The following COL13A1 variants were observed in gnomAD, a reference collection of about 807,000 sequenced individuals.
COL13A1 encodes the protein collagen type XIII alpha 1 chain.
COL13A1 carries 89 observed loss-of-function variants against 130.9 expected under a neutral mutation model. The observed-to-expected ratio is 0.68, with a 90% CI of 0.57 to 0.81. The LOEUF (loss-of-function observed/expected upper bound fraction) is 0.81. COL13A1 is among the 30% of genes least tolerant of loss of function. COL13A1 has a pLI of 0.00. For missense variants in COL13A1, 879 were observed against 934.6 expected, an observed-to-expected ratio of 0.94 and a Z score of 0.78; for synonymous variants, 402 against 341.6, an observed-to-expected ratio of 1.18 and a Z score of -1.95.
chr10:69,842,009 G>A (rs1400478452), intron 2 of COL13A1, among the ~76,000 whole-genome samples: 1 of 152,190 alleles, frequency 6.6e-6, no homozygotes, highest in East Asian at 1.9e-4. Flanking sequence ...GCAGGACCAT[G>A]ACCTAACCAG....
intron 27 of COL13A1, among the ~76,000 whole-genome samples, chr10:69,928,055 G>T (rs2065609921): frequency 6.6e-6 from 1 of 152,162 alleles, no homozygotes; most frequent in Non-Finnish European, 1.5e-5. Flanking sequence ...AGTAGGCTGA[G>T]GAACGAGAAT....
At chr10:69,852,039 T>C (rs1049358553) in intron 2 of COL13A1, among the ~76,000 whole-genome samples, 18 of 152,210 alleles carry the variant, frequency 1.2e-4, no homozygotes, top group African/African-American at 3.9e-4. Context: ...GATTTTTTTC[T>C]GTTTCCCACC....
At position 69,872,038 on chromosome 10, in the gene COL13A1, T is replaced by A. The variant is rs906625887; in HGVS notation, c.373-146T>A. The A allele has an allele frequency of 6.7e-6, 6 of 894,830 alleles. No homozygotes were observed. The African/African-American group carries it at 8.2e-5, about 12-fold the overall frequency. The allele number at this position is 894,830 out of a possible 1,614,324, so 55.4% of individuals were successfully genotyped here. A position where few individuals can be genotyped will look rare whatever the true frequency, so the allele number is the denominator to read the frequency against. ...AAGGAAGCTTTATAAGCCTTAGCGA[T>A]CAAGGCTCCCCCTTCGTTTTGTTCA... On this transcript the variant is annotated intron_variant, in intron 3 of 40. Transcript: ENST00000645393.
intron 2 of COL13A1, among the ~76,000 whole-genome samples, chr10:69,846,927 G>T (rs1168096871): frequency 1.3e-5 from 2 of 152,214 alleles, no homozygotes; most frequent in East Asian, 3.9e-4. Flanking sequence ...AAGTGGGGGT[G>T]CTTCCCAGCG....
intron 10 of COL13A1, among the ~76,000 whole-genome samples, chr10:69,891,398 G>A (rs745711667): frequency 4.9e-4 from 75 of 152,342 alleles, no homozygotes; most frequent in African/African-American, 1.1e-3. Flanking sequence ...AGAATAGCAC[G>A]TGCAAAGGTC....
At position 69,818,157 on chromosome 10, in the gene COL13A1, C is replaced by T. The variant is rs547180621; in HGVS notation, c.295-4212C>T. 4.1e-4 allele frequency among the ~76,000 whole-genome samples: 63 copies of T among 152,286 alleles called. 1 individual carries two copies. The highest frequency in any genetic ancestry group is 1.7e-3 in the South Asian group (8 of 4,824). The stretch of plus-strand genomic sequence containing the variant: ...CCATCTTCCCACAACGTGCTCTTGC[C>T]GCTGTTATGTCCTAGGGGTGGCATC... On this transcript the variant is annotated intron_variant, in intron 1 of 40. Transcript: ENST00000645393.
intron 6 of COL13A1, among the ~76,000 whole-genome samples, chr10:69,880,067 C>T (rs1263750078): frequency 1.3e-5 from 2 of 152,000 alleles, no homozygotes; most frequent in East Asian, 3.9e-4. Flanking sequence ...TGGGCTGGGC[C>T]GGGGAGAGAC....
At chr10:69,945,555 G>A (rs564757570) in intron 36 of COL13A1, 116 bp from the exon 37 acceptor site, 28 of 1,411,188 alleles carry the variant, frequency 2.0e-5, no homozygotes, top group African/African-American at 7.1e-5. Flanking sequence ...CTTGCTTCCC[G>A]GAGGGCTCTT....
chr10:69,802,329 C>T lies in COL13A1; in HGVS notation c.-95C>T. The T allele has an allele frequency of 7.7e-7, 1 of 1,300,402 alleles. No individual in the cohort carries two copies. The highest frequency in any genetic ancestry group is 9.9e-7 in the Non-Finnish European group (1 of 1,007,690). 80.6% of individuals were successfully genotyped at this position (1,300,402 alleles called of 1,614,324 possible). On this transcript the variant is annotated 5_prime_UTR_variant, in exon 1 of 41. Coordinates refer to ENST00000645393, the MANE Select transcript of COL13A1 (RefSeq NM_001368882.1). ...CGTTTTCCAGCGATACAAGCCCTTT[C>T]CCCCTGCCCCGCAGTTTGGATAGAG...
At chr10:69,895,626 C>T (rs775337631) in intron 13 of COL13A1, 50 bp downstream of exon 13, 5 of 1,600,776 alleles carry the variant, frequency 3.1e-6, no homozygotes, top group Non-Finnish European at 3.4e-6. Flanking sequence ...ATCCCTGGGG[C>T]ACAGCGCCCA....
At chr10:69,942,795 G>A (rs2067837965) in intron 35 of COL13A1, among the ~76,000 whole-genome samples, 1 of 152,190 alleles carries the variant, frequency 6.6e-6, no homozygotes, top group Non-Finnish European at 1.5e-5. Context: ...AGGCCTCCGA[G>A]GCAAGGCCAG....
chr10:69,829,956 T>A (rs923334674), intron 2 of COL13A1, among the ~76,000 whole-genome samples: 5 of 152,182 alleles, frequency 3.3e-5, no homozygotes, highest in Admixed American at 2.6e-4. Flanking sequence ...CTGCTGATAA[T>A]GTGTTTCTCC....
At chr10:69,894,289 C>T (rs2061440502) in intron 10 of COL13A1, among the ~76,000 whole-genome samples, 1 of 152,230 alleles carries the variant, frequency 6.6e-6, no homozygotes, top group Non-Finnish European at 1.5e-5. Flanking sequence ...CCCTCCATAG[C>T]TGGCCCATGA....
intron 2 of COL13A1, among the ~76,000 whole-genome samples, chr10:69,858,210 G>A (rs924899877): frequency 8.6e-5 from 13 of 151,664 alleles, no homozygotes; most frequent in South Asian, 6.2e-4. Flanking sequence ...AGTATCATAT[G>A]CTTCTGGGAT....
intron 7 of COL13A1, among the ~76,000 whole-genome samples, chr10:69,883,766 T>G (rs531821635): frequency 3.3e-5 from 5 of 152,264 alleles, no homozygotes; most frequent in African/African-American, 1.2e-4. Context: ...GTGAAGAGCC[T>G]GTAGGTTGTG....
chr10:69,898,026 A>C (rs1181449662), intron 13 of COL13A1, among the ~76,000 whole-genome samples: 3 of 152,160 alleles, frequency 2.0e-5, no homozygotes, highest in Admixed American at 2.0e-4. Context: ...CCGCAGCCCC[A>C]GGGTGAGCCC....
chr10:69,897,020 G>A (rs756828380), intron 13 of COL13A1, among the ~76,000 whole-genome samples: 17 of 152,186 alleles, frequency 1.1e-4, no homozygotes, highest in Non-Finnish European at 2.2e-4. Context: ...CTTAGTAAGT[G>A]CTTGGGGTGG....
intron 2 of COL13A1, 96 bp downstream of exon 2, chr10:69,822,534 C>T (rs547958048): frequency 2.2e-6 from 2 of 903,992 alleles, no homozygotes; most frequent in South Asian, 4.7e-5. Context: ...CTCACTCAGG[C>T]CGTCACTTTT....
intron 2 of COL13A1, among the ~76,000 whole-genome samples, chr10:69,861,089 G>T (rs915287251): frequency 1.3e-5 from 2 of 152,116 alleles, no homozygotes; most frequent in African/African-American, 4.8e-5. Context: ...CGGCTGCTGG[G>T]CATCTGAGCC....
Sources: gnomAD v4.1 joint callset for allele counts (sites outside exome capture counted in the v4.1 genomes callset) on GRCh38, gnomAD v4.1.1 for gene constraint, MANE v1.5 for transcripts, NCBI Gene and HGNC (gene_info 2026-07-23, HGNC 2026-07-21) for gene names.